TMEM94: variants seen among roughly 807,000 people sequenced by gnomAD.
TMEM94 encodes transmembrane protein 94.
Under a neutral mutation model 158.6 loss-of-function variants are expected in TMEM94, and 81 were observed. That is an observed-to-expected ratio of 0.51 (90% CI 0.43 to 0.61). The LOEUF (loss-of-function observed/expected upper bound fraction) is 0.61. TMEM94 is among the 20% of genes least tolerant of loss of function. The pLI is 0.00. For missense variants in TMEM94, 1,435 were observed against 1,762.0 expected, an observed-to-expected ratio of 0.81 and a Z score of 3.32; for synonymous variants, 751 against 730.7, an observed-to-expected ratio of 1.03 and a Z score of -0.45.
At chr17:75,465,634 G>T (rs2050273203) in intron 1 of TMEM94, among the ~76,000 whole-genome samples, 1 of 71,022 alleles carries the variant, frequency 1.4e-5, no homozygotes, top group Non-Finnish European at 2.8e-5. Context: ...TGTTGGTCTT[G>T]TTACTGAGCT....
Position 75,485,836 on chromosome 17 carries a change from CCT to C in TMEM94, c.145-31_145-30del. 6.3e-7 allele frequency: 1 copy of C among 1,586,378 alleles called. No homozygotes were observed. Among genetic ancestry groups the C allele is most frequent in the Non-Finnish European group, 8.6e-7 (1 of 1,164,014 alleles). On this transcript the variant is annotated intron_variant, in intron 3 of 31. Transcript: ENST00000314256. The surrounding 1 kb of genome is among the most constrained non-coding windows in gnomAD (Gnocchi z 5.5). ...GGCAGCCAGATTGGAGTGGGACAGG[CCT>C]CTCATTGTCCCCTCCCTGTCCGAAC...
intron 25 of TMEM94, 108 bp from the exon 26 acceptor site, chr17:75,497,005 C>A: frequency 9.1e-7 from 1 of 1,096,884 alleles, no homozygotes; most frequent in Non-Finnish European, 1.4e-6. Context: ...TTCCCTCTGG[C>A]AGGATGTGAG....
At chr17:75,463,714 C>T (rs1366617006) in intron 1 of TMEM94, among the ~76,000 whole-genome samples, 1 of 152,176 alleles carries the variant, frequency 6.6e-6, no homozygotes, top group East Asian at 1.9e-4. Flanking sequence ...AACTGAACCC[C>T]TTTGATTTGG....
intron 26 of TMEM94, 44 bp downstream of exon 26, chr17:75,497,242 A>G: frequency 2.8e-6 from 4 of 1,410,206 alleles, no homozygotes; most frequent in Non-Finnish European, 3.9e-6. Flanking sequence ...CCTAAGCAGG[A>G]GGTGTCTGGA....
intron 1 of TMEM94, among the ~76,000 whole-genome samples, chr17:75,463,486 A>C (rs547130221): frequency 6.6e-6 from 1 of 152,148 alleles, no homozygotes; most frequent in African/African-American, 2.4e-5. Flanking sequence ...TGTGATGCGC[A>C]ACTGAACAAG....
At position 75,496,379 on chromosome 17, in the gene TMEM94, C is replaced by A. The variant is rs573660805; in HGVS notation, c.3151C>A (p.Pro1051Thr). 176 of 1,614,056 alleles carry A rather than the reference C, an allele frequency of 1.1e-4. No individual in the cohort carries two copies. In the South Asian group the frequency reaches 1.9e-3, roughly 17 times the overall value. The part of the protein sequence containing the change: ...SMAQASDGLS[P>T]LQLSGQLNSL... ...GGCCCAGGCCTCGGATGGCCTTTCT[C>A]CCCTGCAGCTGTCAGGGCAGCTCAA... Residue 1051 changes from proline to threonine, a missense_variant, in exon 24 of 32, where the codon CCC becomes ACC. Pro to Thr is a conservative substitution (Grantham distance 38). Around this residue, in one of 3 missense-constraint regions of TMEM94, gnomAD observed 335 missense variants for 409.1 expected, o/e 0.82. Transcript: ENST00000314256.
chr17:75,462,232 C>T (rs1380579262), intron 1 of TMEM94, among the ~76,000 whole-genome samples: 3 of 151,552 alleles, frequency 2.0e-5, no homozygotes, highest in East Asian at 2.0e-4. Flanking sequence ...AGGATGGTCT[C>T]GATCTCTTGA....
At chr17:75,468,413 T>C (rs1455035608) in intron 1 of TMEM94, among the ~76,000 whole-genome samples, 1 of 152,210 alleles carries the variant, frequency 6.6e-6, no homozygotes, top group Non-Finnish European at 1.5e-5. Flanking sequence ...CTGGTGTTTT[T>C]CCCTGTGTGG....
intron 2 of TMEM94, among the ~76,000 whole-genome samples, chr17:75,474,858 AG>A (rs1424806559): frequency 6.6e-6 from 1 of 152,080 alleles, no homozygotes; most frequent in African/African-American, 2.4e-5. Context: ...CCGGTCCTCC[AG>A]CCCACAGTGG....
rs149476104 is a variant in TMEM94, at chr17:75,459,521, G to T, written c.-107+2770G>T. Among the ~76,000 whole-genome samples the T allele has an allele frequency of 2.0e-4, 31 of 152,314 alleles. 1 individual carries two copies. The highest frequency in any genetic ancestry group is 4.1e-4 in the Non-Finnish European group (28 of 68,028). On this transcript the variant is annotated intron_variant, in intron 1 of 31. Coordinates refer to ENST00000314256, the MANE Select transcript of TMEM94 (RefSeq NM_014738.6). ...CCTTAACTCCTGTAGAAACTAATGA[G>T]AAATGAAGGTTGTGATCGTCCTGTT...
In TMEM94 at chr17:75,492,612, C is replaced by T; in HGVS notation, c.1735C>T (p.Leu579Phe). Residue 579 changes from leucine to phenylalanine, a missense_variant, in exon 15 of 32, where the codon CTC becomes TTC. Around this residue, in one of 3 missense-constraint regions of TMEM94, gnomAD observed 1,051 missense variants for 1,254.4 expected, o/e 0.84. Transcript: ENST00000314256. The surrounding 1 kb of genome is among the most constrained non-coding windows in gnomAD (Gnocchi z 4.4). ...QFDDSNWQLHLTSLKPLGLNV... is the reference protein window; with the variant it reads ...QFDDSNWQLHFTSLKPLGLNV... ...TGATGACTCCAACTGGCAGCTGCAC[C>T]TCACCTCCCTCAAACCCCTGGGCCT... 1.2e-6 allele frequency: 2 copies of T among 1,613,960 alleles called. No individual in the cohort carries two copies. Among genetic ancestry groups the T allele is most frequent in the South Asian group, 1.1e-5 (1 of 91,076 alleles).
Position 75,495,558 on chromosome 17 carries a change from G to A in TMEM94, c.2859G>A (p.Arg953=). 1 of 1,613,506 alleles carries A rather than the reference G, an allele frequency of 6.2e-7. No individual in the cohort carries two copies. The highest frequency in any genetic ancestry group is 8.5e-7 in the Non-Finnish European group (1 of 1,179,994). ...LEDSNRAKLP[R]GIHQVRPHLQ... ...GCTTTCTCCAGGCCAAGCTGCCCCG[G>A]GGTATCCACCAAGTGCGGCCCCACC... is the stretch of plus-strand genomic sequence containing the variant. Residue 953 remains arginine, a synonymous_variant, in exon 22 of 32, where the codon CGG becomes CGA. Transcript: ENST00000314256. The surrounding 1 kb of genome is among the most constrained non-coding windows in gnomAD (Gnocchi z 5.6).
In TMEM94 at chr17:75,495,075, G is replaced by GGC; in HGVS notation, c.2728+41_2728+42insGC. ...TGGGGTGGGGACGGGGTGGCGGTGGGAGGATTCCCCTCCTCAGAGCCACAG... is the reference window on the plus strand; with the variant it reads ...TGGGGTGGGGACGGGGTGGCGGTGGGGCAGGATTCCCCTCCTCAGAGCCACAG... On this transcript the variant is annotated intron_variant, in intron 20 of 31. Transcript: ENST00000314256. The surrounding 1 kb of genome is among the most constrained non-coding windows in gnomAD (Gnocchi z 5.6). 2 of 1,037,348 alleles carry GGC rather than the reference G, an allele frequency of 1.9e-6. No homozygotes were observed. The highest frequency in any genetic ancestry group is 2.9e-6 in the Non-Finnish European group (2 of 691,988). The allele number at this position is 1,037,348 out of a possible 1,614,324, so 64.3% of individuals were successfully genotyped here. A position where few individuals can be genotyped will look rare whatever the true frequency, so the allele number is the denominator to read the frequency against.
intron 1 of TMEM94, among the ~76,000 whole-genome samples, chr17:75,471,537 A>G (rs2050502272): frequency 1.3e-5 from 2 of 152,218 alleles, no homozygotes; most frequent in African/African-American, 2.4e-5. Context: ...CCTGGCTAAC[A>G]TGGCAAAACC....
At chr17:75,458,648 G>A (rs966078579) in intron 1 of TMEM94, among the ~76,000 whole-genome samples, 7 of 150,884 alleles carry the variant, frequency 4.6e-5, no homozygotes, top group Admixed American at 1.3e-4. Context: ...CTGTGATCAT[G>A]CCACTGCACT....
In TMEM94 at chr17:75,493,037, G is replaced by A; in HGVS notation, c.2021G>A (p.Cys674Tyr). The A allele has an allele frequency of 6.2e-7, 1 of 1,613,676 alleles. No homozygotes were observed. The highest frequency in any genetic ancestry group is 8.5e-7 in the Non-Finnish European group (1 of 1,180,028). Residue 674 changes from cysteine to tyrosine, a missense_variant, in exon 16 of 32, where the codon TGT (cysteine) becomes TAT (tyrosine). Coordinates refer to ENST00000314256, the MANE Select transcript of TMEM94 (RefSeq NM_014738.6). ...GAGACATCGCTGGGGCGGCTCTCCT[G>A]TGTCACCAAGCGGCGGCCTCCCCTC... ...MKETSLGRLS[C>Y]VTKRRPPLSH...
In TMEM94 at chr17:75,492,173, G is replaced by A; in HGVS notation, c.1596+273G>A. 8.7e-7 allele frequency: 1 copy of A among 1,144,264 alleles called. No individual in the cohort carries two copies. Among genetic ancestry groups the A allele is most frequent in the African/African-American group, 1.6e-5 (1 of 64,174 alleles). 70.9% of individuals were successfully genotyped at this position (1,144,264 alleles called of 1,614,324 possible). The stretch of plus-strand genomic sequence containing the variant: ...ACACAGCCCGGAGCTCCCTCTTAGA[G>A]ATGTTCCCTGGCCACAGAAGATCCC... On this transcript the variant is annotated intron_variant, in intron 14 of 31. Transcript: ENST00000314256. The surrounding 1 kb of genome is among the most constrained non-coding windows in gnomAD (Gnocchi z 4.4).
chr17:75,479,308 T>A (rs1007177265), intron 2 of TMEM94, among the ~76,000 whole-genome samples: 64 of 150,028 alleles, frequency 4.3e-4, no homozygotes, highest in African/African-American at 1.3e-3. Context: ...CAAAAAAAAA[T>A]TTATTTTTCA....
In TMEM94 at chr17:75,470,269, C is replaced by T. The variant is rs186888295; in HGVS notation, c.-106-1531C>T. 8.9e-4 allele frequency among the ~76,000 whole-genome samples: 135 copies of T among 151,686 alleles called. 1 individual carries two copies. The Middle Eastern group carries it at 0.014, about 15-fold the overall frequency. Reference sequence around the variant, plus strand: ...GGAGGATTGCTTGAGGCCAGGAGGTCAAGACCAACCTGGGCAACATAGCAA... The same window carrying T: ...GGAGGATTGCTTGAGGCCAGGAGGTTAAGACCAACCTGGGCAACATAGCAA... On this transcript the variant is annotated intron_variant, in intron 1 of 31. Coordinates refer to ENST00000314256, the MANE Select transcript of TMEM94 (RefSeq NM_014738.6).
Sources: gnomAD v4.1 joint callset for allele counts (sites outside exome capture counted in the v4.1 genomes callset) on GRCh38, gnomAD v4.1.1 for gene constraint, gnomAD v4.1.1 regional missense constraint, Gnocchi (gnomAD v3.1) non-coding constraint, MANE v1.5 for transcripts, NCBI Gene and HGNC (gene_info 2026-07-23, HGNC 2026-07-21) for gene names.